ZHX1: variants seen among roughly 807,000 people sequenced by gnomAD.
ZHX1 encodes zinc fingers and homeoboxes protein 1.
A neutral mutation model predicts 61.8 loss-of-function variants in ZHX1; 20 were observed. That is an observed-to-expected ratio of 0.32 (90% confidence interval 0.23 to 0.47). The LOEUF is 0.47. ZHX1 is among the 20% of genes least tolerant of loss of function. The probability of loss-of-function intolerance (pLI) is 1.00; values close to 1 mark genes in which losing one functional copy is unlikely to be tolerated. For missense variants in ZHX1, 800 were observed against 1,034.8 expected (o/e 0.77, Z 3.11); for synonymous variants, 318 against 352.6 (o/e 0.90, Z 1.10).
At chr8:123,261,448 A>G (rs1322032677) in intron 2 of ZHX1, among the ~76,000 whole-genome samples, 3 of 147,946 alleles carry the variant, frequency 2.0e-5, no homozygotes, top group Non-Finnish European at 4.4e-5. Flanking sequence ...AGATTCTTCA[A>G]TTCAACAAAT....
rs959935580 is a variant in ZHX1 at position 123,250,069 on chromosome 8, T to C, written c.*255A>G. 2 of 346,368 alleles carry C rather than the reference T, an allele frequency of 5.8e-6. No homozygotes were observed. The highest frequency in any genetic ancestry group is 4.4e-5 in the African/African-American group (2 of 45,952). 21.5% of individuals were successfully genotyped at this position (346,368 alleles called of 1,614,324 possible). ...CCATCATATTAGAAGAAAAATGTAC[T>C]GTATTAAAATTTAAATTGCATTTTT... is the stretch of plus-strand genomic sequence containing the variant. On this transcript the variant is annotated 3_prime_UTR_variant, in exon 4 of 4. Transcript: ENST00000395571.
chr8:123,261,507 A>C (rs1826265870), intron 2 of ZHX1, among the ~76,000 whole-genome samples: 1 of 152,212 alleles, frequency 6.6e-6, no homozygotes, highest in Admixed American at 6.5e-5. Flanking sequence ...AATGGTGACC[A>C]AGACAGGCAG....
intron 3 of ZHX1, among the ~76,000 whole-genome samples, chr8:123,251,177 G>A (rs1223372582): frequency 6.6e-6 from 1 of 152,008 alleles, no homozygotes; most frequent in Admixed American, 6.6e-5. Context: ...ATCCCCTTTC[G>A]CTCTCTCTCC....
intron 1 of ZHX1, among the ~76,000 whole-genome samples, chr8:123,269,690 T>C (rs1826580075): frequency 6.6e-6 from 1 of 152,230 alleles, no homozygotes; most frequent in Admixed American, 6.5e-5. Flanking sequence ...ACTGGTAATA[T>C]TAATAGGATA....
In ZHX1 at chr8:123,255,594, G is replaced by GA; in HGVS notation, c.352dup (p.Ser118PhefsTer2). 1 of 1,613,340 alleles carries GA rather than the reference G, an allele frequency of 6.2e-7. No individual in the cohort carries two copies. Among genetic ancestry groups the GA allele is most frequent in the Non-Finnish European group, 8.5e-7 (1 of 1,179,978 alleles). On this transcript the variant is annotated frameshift_variant, in exon 3 of 4. Transcript: ENST00000395571. LOFTEE classifies it high-confidence loss of function. ...TGGGTGATATTTCAGATTATGCTCA[G>GA]AAAGTGCATCATACCTTTTGGTAAG...
At chr8:123,260,173 GAAAGA>G (rs1826203727) in intron 2 of ZHX1, among the ~76,000 whole-genome samples, 1 of 151,002 alleles carries the variant, frequency 6.6e-6, no homozygotes, top group Admixed American at 6.6e-5. Context: ...AAGAAAAAAA[GAAAGA>G]AAAGAAAAAA....
chr8:123,256,171 C>A lies in ZHX1; in HGVS notation c.-225G>T. ...AATTTTTGAAGCACAACTCCAATCA[C>A]CTACATTAAAATAAATTTTAAAATG... On this transcript the variant is annotated splice_region_variant and 5_prime_UTR_variant, in exon 3 of 4. Coordinates refer to ENST00000395571, the MANE Select transcript of ZHX1 (RefSeq NM_007222.5). 1 of 405,604 alleles carries A rather than the reference C, an allele frequency of 2.5e-6. No individual in the cohort carries two copies. Among genetic ancestry groups the A allele is most frequent in the East Asian group, 3.8e-5 (1 of 26,554 alleles). The allele number at this position is 405,604 out of a possible 1,614,324, so 25.1% of individuals were successfully genotyped here.
intron 2 of ZHX1, among the ~76,000 whole-genome samples, chr8:123,256,575 C>G (rs1325012129): frequency 2.0e-5 from 3 of 152,016 alleles, no homozygotes; most frequent in Non-Finnish European, 4.4e-5. Context: ...TTCAGCCTGG[C>G]CAACATGGTG....
Position 123,253,598 on chromosome 8 carries a change from T to C in ZHX1, c.2349A>G (p.Ala783=), listed in dbSNP as rs1825978083. The change falls in exon 3 of 4, where the codon GCA becomes GCG. Residue 783 remains alanine, a synonymous_variant. Transcript: ENST00000395571. ...PSLIKFKTGT[A]ILKDYYLKHK... ...GCTTCAGGTAATAATCCTTAAGTAT[T>C]GCAGTTCCAGTTTTAAATTTTATGA... 12 of 1,614,218 alleles carry C rather than the reference T, an allele frequency of 7.4e-6. No homozygotes were observed. Among genetic ancestry groups the C allele is most frequent in the Non-Finnish European group, 1.0e-5 (12 of 1,180,026 alleles).
At chr8:123,264,285 C>T (rs541538087) in intron 2 of ZHX1, among the ~76,000 whole-genome samples, 3 of 152,140 alleles carry the variant, frequency 2.0e-5, no homozygotes, top group African/African-American at 7.2e-5. Context: ...TATACTTTAA[C>T]AGTGTTCTAC....
intron 2 of ZHX1, chr8:123,263,010 GAAGAGAAGC>G (rs1210327690): frequency 1.3e-5 from 2 of 148,802 alleles, no homozygotes; most frequent in Non-Finnish European, 3.0e-5. Context: ...GAAAGAGAAG[GAAGAGAAGC>G]GGGAAGGGGA....
intron 2 of ZHX1, among the ~76,000 whole-genome samples, chr8:123,264,654 G>A (rs1826391838): frequency 6.6e-6 from 1 of 151,944 alleles, no homozygotes; most frequent in African/African-American, 2.4e-5. Context: ...CGCCTCCCAG[G>A]TTCAAGCAAT....
Position 123,253,397 on chromosome 8 carries a change from T to C in ZHX1, c.2550A>G (p.Glu850=), listed in dbSNP as rs1468585292. Residue 850 remains glutamate, a synonymous_variant, in exon 3 of 4, where the codon GAA becomes GAG. Coordinates refer to ENST00000395571, the MANE Select transcript of ZHX1 (RefSeq NM_007222.5). ...CCCAAGTGTCACTATCATCTGTTTCTTCTTCATCCTCTTCCTGGTCATCAA... is the reference window on the plus strand; with the variant it reads ...CCCAAGTGTCACTATCATCTGTTTCCTCTTCATCCTCTTCCTGGTCATCAA... The part of the protein sequence containing the change: ...EVIDDQEEDE[E]ETDDSDTWEP... The C allele has an allele frequency of 5.0e-6, 8 of 1,614,054 alleles. No homozygotes were observed. Among genetic ancestry groups the C allele is most frequent in the Non-Finnish European group, 6.8e-6 (8 of 1,179,996 alleles).
At chr8:123,270,402 G>A (rs1224558117) in intron 1 of ZHX1, among the ~76,000 whole-genome samples, 5 of 151,926 alleles carry the variant, frequency 3.3e-5, no homozygotes, top group South Asian at 2.1e-4. Flanking sequence ...CTATGACTTC[G>A]ATATTTTAAT....
At chr8:123,271,090 C>A (rs1013758641) in intron 1 of ZHX1, among the ~76,000 whole-genome samples, 3 of 152,086 alleles carry the variant, frequency 2.0e-5, no homozygotes, top group Non-Finnish European at 4.4e-5. Flanking sequence ...TCTAAGTCAG[C>A]AACTTTAGTC....
chr8:123,275,044 C>A (rs117504011), upstream of ZHX1, among the ~76,000 whole-genome samples: 1,431 of 152,342 alleles, frequency 9.4e-3, 4 homozygotes, highest in Non-Finnish European at 0.015. Context: ...CCCGCTGACA[C>A]CGAAAGTTCA....
At chr8:123,268,619 G>A (rs901435251) in intron 1 of ZHX1, among the ~76,000 whole-genome samples, 1 of 152,110 alleles carries the variant, frequency 6.6e-6, no homozygotes, top group African/African-American at 2.4e-5. Context: ...AGCCTCCCGA[G>A]TAGCTGGGAT....
chr8:123,271,277 A>C (rs1826645381), intron 1 of ZHX1, among the ~76,000 whole-genome samples: 1 of 152,232 alleles, frequency 6.6e-6, no homozygotes, highest in African/African-American at 2.4e-5. Context: ...TTTTAAGTTC[A>C]AAAAATTTAG....
chr8:123,257,457 G>A (rs1012417625), intron 2 of ZHX1, among the ~76,000 whole-genome samples: 1 of 152,156 alleles, frequency 6.6e-6, no homozygotes, highest in Non-Finnish European at 1.5e-5. Flanking sequence ...TGCACTTTCA[G>A]ACCCTTACTC....
Sources: allele counts gnomAD v4.1 joint callset (sites outside exome capture counted in the v4.1 genomes callset), GRCh38; gene constraint gnomAD v4.1.1; transcripts MANE v1.5; gene names NCBI Gene and HGNC (gene_info 2026-07-23, HGNC 2026-07-21).